Variants in GIGYF2 observed in about 807,000 individuals in gnomAD.
The protein encoded by GIGYF2 is GRB10 interacting GYF protein 2, also known as GRB10-interacting GYF protein 2.
A neutral mutation model predicts 208.1 loss-of-function variants in GIGYF2; 25 were observed. The ratio of observed to expected loss-of-function variants is 0.12; its 90% CI spans 0.09 to 0.17. GIGYF2 has a LOEUF of 0.17. Among genes scored for constraint, GIGYF2 ranks in the 10% least tolerant of loss-of-function variants. The pLI is 1.00. For missense variants in GIGYF2, 1,302 were observed against 1,579.4 expected (o/e 0.82, Z 2.98); for synonymous variants, 534 against 543.8 (o/e 0.98, Z 0.25).
chr2:232,774,407 T>G (rs1340455826), intron 8 of GIGYF2, among the ~76,000 whole-genome samples: 1 of 152,218 alleles, frequency 6.6e-6, no homozygotes, highest in Admixed American at 6.5e-5. Flanking sequence ...ATTATCACAG[T>G]CTGAATTATT....
chr2:232,723,084 C>G (rs775164229), intron 2 of GIGYF2, among the ~76,000 whole-genome samples: 13 of 152,152 alleles, frequency 8.5e-5, no homozygotes, highest in African/African-American at 1.9e-4. Flanking sequence ...AGCGTCAGTG[C>G]TGGGATTCCT....
At chr2:232,721,665 A>AT in intron 2 of GIGYF2, among the ~76,000 whole-genome samples, 1 of 152,176 alleles carries the variant, frequency 6.6e-6, no homozygotes, top group Non-Finnish European at 1.5e-5. Flanking sequence ...CAGGTTAGCC[A>AT]TTTTTTCTCT....
intron 2 of GIGYF2, among the ~76,000 whole-genome samples, chr2:232,731,536 C>G (rs548225890): frequency 1.3e-5 from 2 of 152,318 alleles, no homozygotes; most frequent in Non-Finnish European, 2.9e-5. Context: ...GATGTGGTCT[C>G]TACAGCTCTA....
At chr2:232,700,637 A>G (rs1695800566) in intron 1 of GIGYF2, 1 of 152,196 alleles carries the variant, frequency 6.6e-6, no homozygotes, top group South Asian at 2.1e-4. Flanking sequence ...TGTTGGTGTT[A>G]ACCCAGGTCT....
Position 232,770,246 on chromosome 2 carries a change from T to C in GIGYF2, c.532+8810T>C, listed in dbSNP as rs140340406. 2.0e-4 allele frequency among the ~76,000 whole-genome samples: 30 copies of C among 152,352 alleles called. No homozygotes were observed. The East Asian group carries it at 5.8e-3, about 29-fold the overall frequency. On this transcript the variant is annotated intron_variant, in intron 8 of 28. Coordinates refer to ENST00000373563, the MANE Select transcript of GIGYF2 (RefSeq NM_001103146.3). ...AATAGTATATTAAAGCCAAGTTTTCTTTTGAAATTATGTATGTCACATAAA... is the reference window on the plus strand; with the variant it reads ...AATAGTATATTAAAGCCAAGTTTTCCTTTGAAATTATGTATGTCACATAAA...
intron 8 of GIGYF2, among the ~76,000 whole-genome samples, chr2:232,774,045 G>A (rs907691527): frequency 6.6e-6 from 1 of 151,676 alleles, no homozygotes; most frequent in Non-Finnish European, 1.5e-5. Flanking sequence ...ACTTTGGGAC[G>A]TTGAGTCGGG....
chr2:232,845,640 C>A, intron 25 of GIGYF2, 92 bp from the exon 26 acceptor site: 2 of 1,096,044 alleles, frequency 1.8e-6, no homozygotes, highest in Non-Finnish European at 2.8e-6. Flanking sequence ...GGCATCCATC[C>A]AGTATTGCCA....
intron 3 of GIGYF2, among the ~76,000 whole-genome samples, chr2:232,745,592 T>C (rs1559399344): frequency 2.0e-5 from 3 of 152,228 alleles, no homozygotes; most frequent in Admixed American, 6.5e-5. Flanking sequence ...TAAGGCTTTT[T>C]CCCTCCTTTC....
intron 23 of GIGYF2, among the ~76,000 whole-genome samples, chr2:232,842,419 A>AT (rs767809937): frequency 1.3e-5 from 2 of 152,136 alleles, no homozygotes; most frequent in African/African-American, 4.8e-5. Flanking sequence ...TTCTTTAAGT[A>AT]TTTTTTATAG....
rs147331241 is a variant in GIGYF2, at chr2:232,801,708, A to AT, written c.1640-4782dup. On this transcript the variant is annotated intron_variant, in intron 14 of 28. Coordinates refer to ENST00000373563, the MANE Select transcript of GIGYF2 (RefSeq NM_001103146.3). The stretch of plus-strand genomic sequence containing the variant: ...TGTTAACTATAGTCATTGTTGCATG[A>AT]TAGATCTCTTGCTATTTTTCAAGAA... 3.3e-3 allele frequency among the ~76,000 whole-genome samples: 508 copies of AT among 152,302 alleles called. 2 individuals are homozygous for AT. Among genetic ancestry groups the AT allele is most frequent in the African/African-American group, 0.012 (492 of 41,548 alleles).
At chr2:232,784,521 CT>C (rs10716956) in intron 8 of GIGYF2, among the ~76,000 whole-genome samples, 125,176 of 150,398 alleles carry the variant, frequency 0.83, 52,519 homozygotes, top group East Asian at 1. Flanking sequence ...TCCTGAGTAG[CT>C]TGGGACTACA....
intron 8 of GIGYF2, among the ~76,000 whole-genome samples, chr2:232,770,140 G>C (rs1388343301): frequency 1.3e-5 from 2 of 152,168 alleles, no homozygotes; most frequent in Non-Finnish European, 2.9e-5. Flanking sequence ...GCAGGTTATA[G>C]AGCTGGTTGG....
At chr2:232,721,324 A>G (rs1320591372) in intron 2 of GIGYF2, among the ~76,000 whole-genome samples, 2 of 152,182 alleles carry the variant, frequency 1.3e-5, no homozygotes, top group Non-Finnish European at 2.9e-5. Context: ...TTTAATTCCT[A>G]AGGCTTTCCT....
At chr2:232,828,396 A>G (rs1321753589) in intron 21 of GIGYF2, among the ~76,000 whole-genome samples, 12 of 148,142 alleles carry the variant, frequency 8.1e-5, no homozygotes, top group South Asian at 2.2e-4. Flanking sequence ...GGTTCAGTAT[A>G]TGTCTTGTCT....
intron 8 of GIGYF2, among the ~76,000 whole-genome samples, chr2:232,761,891 A>T (rs1381332572): frequency 1.3e-5 from 2 of 151,242 alleles, no homozygotes; most frequent in East Asian, 1.9e-4. Flanking sequence ...AAAAAAAAAT[A>T]ACTCAGATAA....
intron 3 of GIGYF2, among the ~76,000 whole-genome samples, chr2:232,739,751 T>C (rs1223992125): frequency 6.6e-6 from 1 of 152,070 alleles, no homozygotes. Context: ...AAAGTAGCTT[T>C]GCTAACGTTT....
intron 28 of GIGYF2, among the ~76,000 whole-genome samples, chr2:232,855,993 C>T (rs1046137729): frequency 2.0e-5 from 3 of 152,038 alleles, no homozygotes; most frequent in South Asian, 2.1e-4. Context: ...TGCAGTGGCG[C>T]GATCTCGGCT....
intron 22 of GIGYF2, among the ~76,000 whole-genome samples, chr2:232,836,493 G>A (rs1467722034): frequency 1.4e-5 from 2 of 140,504 alleles, no homozygotes; most frequent in Non-Finnish European, 3.0e-5. Flanking sequence ...TTGAGCCTGG[G>A]AGACAGAGGT....
rs540137963 is a variant in GIGYF2, at chr2:232,806,099, A to G, written c.1640-392A>G. The stretch of plus-strand genomic sequence containing the variant: ...CATTTTGCCCCACTTTCGCTAATCT[A>G]TGGCAGAAAATGAAAATTGGAGAAC... On this transcript the variant is annotated intron_variant, in intron 14 of 28. Transcript: ENST00000373563. This position sits in a 1 kb window ranked among gnomAD's most constrained non-coding sequence, Gnocchi z 4.0. Among the ~76,000 whole-genome samples the G allele has an allele frequency of 3.5e-3, 537 of 152,328 alleles. 2 individuals are homozygous for G. Among genetic ancestry groups the G allele is most frequent in the Non-Finnish European group, 3.9e-3 (267 of 68,024 alleles).
Sources: gnomAD v4.1 joint callset for allele counts (sites outside exome capture counted in the v4.1 genomes callset) on GRCh38, gnomAD v4.1.1 for gene constraint, Gnocchi (gnomAD v3.1) non-coding constraint, MANE v1.5 for transcripts, NCBI Gene and HGNC (gene_info 2026-07-23, HGNC 2026-07-21) for gene names.